Variants in TTC29 observed in about 807,000 individuals in gnomAD.
The protein encoded by TTC29 is tetratricopeptide repeat domain 29.
Under a neutral mutation model 58.1 loss-of-function variants are expected in TTC29, and 49 were observed. The ratio of observed to expected loss-of-function variants is 0.84; its 90% confidence interval spans 0.67 to 1.07. TTC29 has a LOEUF of 1.07. Among genes scored for constraint, TTC29 ranks in the 50% least tolerant of loss-of-function variants. The probability of loss-of-function intolerance (pLI) is 0.00; values close to 1 mark genes in which losing one functional copy is unlikely to be tolerated. For synonymous variants in TTC29, 209 were observed against 196.8 expected, an observed-to-expected ratio of 1.06 and a Z score of -0.52; for missense variants, 582 against 555.6, an observed-to-expected ratio of 1.05 and a Z score of -0.48.
chr4:146,879,367 T>A (rs556788923), intron 6 of TTC29, among the ~76,000 whole-genome samples: 1 of 152,162 alleles, frequency 6.6e-6, no homozygotes. Context: ...CAACTGTGAA[T>A]TGGATTTTTA....
At chr4:146,817,798 T>C (rs963144748) in intron 10 of TTC29, among the ~76,000 whole-genome samples, 6 of 152,162 alleles carry the variant, frequency 3.9e-5, no homozygotes. Context: ...AAGTATCTGA[T>C]CTTTGACAAA....
chr4:146,846,199 T>C (rs1205634345), intron 8 of TTC29, among the ~76,000 whole-genome samples: 1 of 152,192 alleles, frequency 6.6e-6, no homozygotes, highest in Non-Finnish European at 1.5e-5. Context: ...CCTGGAGATA[T>C]GAAGTATCAG....
chr4:146,923,486 C>T (rs997560323), intron 4 of TTC29, among the ~76,000 whole-genome samples: 1 of 151,568 alleles, frequency 6.6e-6, no homozygotes, highest in Non-Finnish European at 1.5e-5. Flanking sequence ...AACACTCACA[C>T]ATGATTAAGA....
intron 11 of TTC29, among the ~76,000 whole-genome samples, chr4:146,719,196 G>GTC (rs1425378611): frequency 6.1e-5 from 9 of 148,482 alleles, no homozygotes; most frequent in Non-Finnish European, 1.3e-4. Flanking sequence ...TGGGGTGTGT[G>GTC]TGTGTGTGTG....
chr4:146,879,896 T>C (rs886898098), intron 6 of TTC29, among the ~76,000 whole-genome samples: 3 of 152,124 alleles, frequency 2.0e-5, no homozygotes, highest in Non-Finnish European at 4.4e-5. Flanking sequence ...AAAGTCTTTG[T>C]AGGGGAAAGT....
At chr4:146,878,540 A>G (rs67276825) in intron 6 of TTC29, among the ~76,000 whole-genome samples, 8,210 of 152,268 alleles carry the variant, frequency 0.054, 351 homozygotes, top group East Asian at 0.13. Flanking sequence ...CAGAGTTTTC[A>G]TAAGTGATGA....
chr4:146,763,663 T>G (rs759411194), intron 11 of TTC29, among the ~76,000 whole-genome samples: 1 of 152,118 alleles, frequency 6.6e-6, no homozygotes, highest in Non-Finnish European at 1.5e-5. Flanking sequence ...CAGAAAAAGA[T>G]ATTCTTTCAG....
chr4:146,788,979 G>A (rs1290973391), intron 11 of TTC29, among the ~76,000 whole-genome samples: 1 of 152,112 alleles, frequency 6.6e-6, no homozygotes, highest in African/African-American at 2.4e-5. Context: ...TCTAAAGGAG[G>A]TGATGGGGAT....
chr4:146,919,183 G>T (rs1404994756), intron 4 of TTC29, among the ~76,000 whole-genome samples: 1 of 151,054 alleles, frequency 6.6e-6, no homozygotes, highest in Non-Finnish European at 1.5e-5. Context: ...TTCAGGGACA[G>T]TATTTTCAAG....
At position 146,874,723 on chromosome 4, in the gene TTC29, G is replaced by T; in HGVS notation, c.792C>A (p.Ala264=). 1.9e-6 allele frequency: 3 copies of T among 1,599,482 alleles called. No individual in the cohort carries two copies. The highest frequency in any genetic ancestry group is 2.6e-6 in the Non-Finnish European group (3 of 1,172,948). Residue 264 remains alanine (A), a synonymous_variant, in exon 7 of 13, where the codon GCC becomes GCA. Coordinates refer to ENST00000325106, the MANE Select transcript of TTC29 (RefSeq NM_031956.4). ...GAGTTCTTTTCCACCCACCTTCTTT[G>T]GCTATTTCAGAAGCTTTTATTAGAA... The part of the protein sequence containing the change: ...IKILIKASEI[A]KEGSDKKMEA...
At chr4:146,796,305 A>C (rs888902670) in intron 11 of TTC29, among the ~76,000 whole-genome samples, 2 of 152,300 alleles carry the variant, frequency 1.3e-5, no homozygotes, top group South Asian at 2.1e-4. Context: ...AATAAAACTT[A>C]AAAGCATAAG....
intron 4 of TTC29, among the ~76,000 whole-genome samples, chr4:146,923,329 G>A (rs534785643): frequency 1.3e-4 from 19 of 151,448 alleles, no homozygotes; most frequent in Admixed American, 9.3e-4. Flanking sequence ...AATCACACAC[G>A]CGCGTGCACA....
chr4:146,856,681 AT>A (rs1729876972), intron 8 of TTC29, among the ~76,000 whole-genome samples: 1 of 148,854 alleles, frequency 6.7e-6, no homozygotes, highest in Admixed American at 6.9e-5. Context: ...CTGTAACATT[AT>A]TATTTATTAA....
intron 9 of TTC29, among the ~76,000 whole-genome samples, chr4:146,822,898 C>A (rs1267731926): frequency 6.6e-6 from 1 of 152,132 alleles, no homozygotes; most frequent in African/African-American, 2.4e-5. Flanking sequence ...GCATAAATGT[C>A]TTCTTTTGAG....
chr4:146,760,284 T>C (rs184319245), intron 11 of TTC29, among the ~76,000 whole-genome samples: 37 of 151,928 alleles, frequency 2.4e-4, no homozygotes, highest in African/African-American at 7.9e-4. Flanking sequence ...AAAGAAATCA[T>C]AGATGATACA....
intron 11 of TTC29, among the ~76,000 whole-genome samples, chr4:146,754,350 C>T (rs1345260992): frequency 6.6e-6 from 1 of 151,816 alleles, no homozygotes; most frequent in East Asian, 1.9e-4. Context: ...AGATAGCATA[C>T]CAGATAAATT....
chr4:146,917,168 A>C (rs1030083669), intron 4 of TTC29, among the ~76,000 whole-genome samples: 1 of 150,964 alleles, frequency 6.6e-6, no homozygotes, highest in African/African-American at 2.4e-5. Flanking sequence ...CTCAAAAAGT[A>C]GAATTTATTA....
chr4:146,732,594 G>A (rs566953199), intron 11 of TTC29, among the ~76,000 whole-genome samples: 70 of 152,214 alleles, frequency 4.6e-4, no homozygotes, highest in Non-Finnish European at 8.1e-4. Flanking sequence ...GTTTAACTAC[G>A]GGAATGAGTA....
chr4:146,896,426 T>C (rs1386619411), intron 6 of TTC29, among the ~76,000 whole-genome samples: 1 of 152,202 alleles, frequency 6.6e-6, no homozygotes, highest in Non-Finnish European at 1.5e-5. Context: ...TTTAGTCCAA[T>C]GCAGGTGATC....
Sources: gnomAD v4.1 joint callset for allele counts (sites outside exome capture counted in the v4.1 genomes callset) on GRCh38, gnomAD v4.1.1 for gene constraint, MANE v1.5 for transcripts, NCBI Gene and HGNC (gene_info 2026-07-23, HGNC 2026-07-21) for gene names.